Variants in CSMD1 observed in about 807,000 individuals in gnomAD.
CSMD1 encodes the protein CUB and sushi domain-containing protein 1.
In CSMD1, 213 loss-of-function variants were observed where a neutral mutation model predicts 417.5. The observed-to-expected ratio is 0.51, with a 90% CI of 0.46 to 0.57. CSMD1 has a LOEUF of 0.57. Among genes scored for constraint, CSMD1 ranks in the 20% least tolerant of loss-of-function variants. CSMD1 has a pLI of 0.00. For missense variants in CSMD1, 6,923 were observed against 4,529.7 expected, an observed-to-expected ratio of 1.53 and a Z score of -15.17; for synonymous variants, 2,862 against 1,736.8, an observed-to-expected ratio of 1.65 and a Z score of -16.11.
chr8:4,275,457 A>G (rs1190005045), intron 3 of CSMD1, among the ~76,000 whole-genome samples: 2 of 152,158 alleles, frequency 1.3e-5, no homozygotes, highest in Non-Finnish European at 2.9e-5. Flanking sequence ...TTTATTTAAA[A>G]TTTTACGTGT....
chr8:4,526,630 G>A (rs1796527261), intron 2 of CSMD1, among the ~76,000 whole-genome samples: 3 of 152,260 alleles, frequency 2.0e-5, no homozygotes, highest in East Asian at 1.9e-4. Flanking sequence ...TCACTCTTGG[G>A]AATTAACAAA....
intron 2 of CSMD1, among the ~76,000 whole-genome samples, chr8:4,630,831 C>A (rs1384529657): frequency 6.6e-6 from 1 of 152,094 alleles, no homozygotes; most frequent in African/African-American, 2.4e-5. Context: ...CAAGCTCTTC[C>A]ACTGCTACTT....
chr8:4,028,269 T>G (rs1296647880), intron 4 of CSMD1, among the ~76,000 whole-genome samples: 2 of 152,156 alleles, frequency 1.3e-5, no homozygotes, highest in Non-Finnish European at 2.9e-5. Flanking sequence ...ACAAATACCT[T>G]GAGCAAGTCA....
chr8:3,314,014 A>T (rs544062998), intron 23 of CSMD1, among the ~76,000 whole-genome samples: 8 of 152,218 alleles, frequency 5.3e-5, no homozygotes, highest in East Asian at 1.9e-4. Context: ...GCAAACTATC[A>T]CAAGGACAAA....
chr8:3,891,644 C>A (rs1806981087), intron 5 of CSMD1, among the ~76,000 whole-genome samples: 1 of 151,758 alleles, frequency 6.6e-6, no homozygotes, highest in South Asian at 2.1e-4. Flanking sequence ...GATCACACCA[C>A]TGCACTAGAG....
At chr8:3,753,453 C>G (rs915620023) in intron 6 of CSMD1, among the ~76,000 whole-genome samples, 9 of 152,136 alleles carry the variant, frequency 5.9e-5, no homozygotes, top group Non-Finnish European at 8.8e-5. Context: ...TGCAGGAAAT[C>G]CAGAATCTTT....
At chr8:4,401,999 A>G (rs1256718237) in intron 3 of CSMD1, among the ~76,000 whole-genome samples, 1 of 151,906 alleles carries the variant, frequency 6.6e-6, no homozygotes, top group Non-Finnish European at 1.5e-5. Flanking sequence ...TCCCTGCCAC[A>G]TTCCTGCTGC....
chr8:4,787,805 T>G lies in CSMD1; in HGVS notation c.86-150247A>C, dbSNP rs1049870822. The G allele has an allele frequency of 3.8e-6, 6 of 1,575,004 alleles. No homozygotes were observed. The African/African-American group carries it at 4.0e-5, about 11-fold the overall frequency. On this transcript the variant is annotated intron_variant, in intron 1 of 69. Transcript: ENST00000635120. The stretch of plus-strand genomic sequence containing the variant: ...ACAGGCCAGACTGAATTGGATATCA[T>G]GAGTCATGCTACACAGGCTATATTT...
intron 3 of CSMD1, among the ~76,000 whole-genome samples, chr8:4,295,169 A>G (rs1444156058): frequency 7.0e-6 from 1 of 143,746 alleles, no homozygotes; most frequent in Non-Finnish European, 1.5e-5. Context: ...TATAATCTTA[A>G]GATTATATAA....
At chr8:4,218,368 A>C (rs953203434) in intron 3 of CSMD1, among the ~76,000 whole-genome samples, 2 of 152,184 alleles carry the variant, frequency 1.3e-5, no homozygotes, top group African/African-American at 2.4e-5. Flanking sequence ...GGTCATTTCT[A>C]ATGATTTTCT....
At chr8:4,129,480 A>G (rs1245424638) in intron 3 of CSMD1, among the ~76,000 whole-genome samples, 1 of 152,166 alleles carries the variant, frequency 6.6e-6, no homozygotes, top group Admixed American at 6.5e-5. Flanking sequence ...GAAGTTTTGT[A>G]TTGTGAAAAA....
intron 2 of CSMD1, among the ~76,000 whole-genome samples, chr8:4,565,775 T>TATGTATAC (rs1798575552): frequency 2.4e-5 from 1 of 42,076 alleles, no homozygotes; most frequent in African/African-American, 5.7e-5. Flanking sequence ...TATATATATA[T>TATGTATAC]ATATATATAT....
rs2130865615 is a variant in CSMD1, at chr8:4,640,189, G to A, written c.86-2631C>T. Among the ~76,000 whole-genome samples the A allele has an allele frequency of 1.3e-5, 2 of 152,322 alleles. 1 individual carries two copies. The highest frequency in any genetic ancestry group is 4.1e-4 in the South Asian group (2 of 4,826). The stretch of plus-strand genomic sequence containing the variant: ...ACTAATGAGTACAGTGCATGTTGCT[G>A]AATGAGTCACATTTGATCCATTCAT... On this transcript the variant is annotated intron_variant, in intron 1 of 69. Transcript: ENST00000635120.
intron 3 of CSMD1, among the ~76,000 whole-genome samples, chr8:4,063,289 A>G (rs910983214): frequency 2.6e-5 from 4 of 152,130 alleles, no homozygotes; most frequent in Non-Finnish European, 4.4e-5. Flanking sequence ...AAAAACCAAA[A>G]AAGAAAAATT....
At chr8:4,831,067 G>T (rs949581193) in intron 1 of CSMD1, among the ~76,000 whole-genome samples, 1 of 152,126 alleles carries the variant, frequency 6.6e-6, no homozygotes. Context: ...CCAACCATGC[G>T]AACTCAAAGT....
intron 10 of CSMD1, among the ~76,000 whole-genome samples, chr8:3,520,020 C>CTA (rs33939239): frequency 0.092 from 12,641 of 137,392 alleles, 630 homozygotes; most frequent in Non-Finnish European, 0.11. Flanking sequence ...GTGTATATAC[C>CTA]TATATATATA....
chr8:4,490,673 C>CAGAAG (rs1262894267), intron 2 of CSMD1, among the ~76,000 whole-genome samples: 1 of 152,060 alleles, frequency 6.6e-6, no homozygotes, highest in Non-Finnish European at 1.5e-5. Context: ...TCTTAATATA[C>CAGAAG]AGAAGAGACA....
chr8:4,106,364 G>C (rs1023226089), intron 3 of CSMD1, among the ~76,000 whole-genome samples: 2 of 152,154 alleles, frequency 1.3e-5, no homozygotes, highest in African/African-American at 4.8e-5. Context: ...TCAAAATAAA[G>C]CATTCAATTA....
intron 50 of CSMD1, among the ~76,000 whole-genome samples, chr8:3,047,281 C>T (rs73488442): frequency 0.036 from 5,508 of 151,530 alleles, 334 homozygotes; most frequent in African/African-American, 0.13. Context: ...GCCAAGTTCT[C>T]GCCCCAGCCA....
Sources: gnomAD v4.1 joint callset for allele counts (sites outside exome capture counted in the v4.1 genomes callset) on GRCh38, gnomAD v4.1.1 for gene constraint, MANE v1.5 for transcripts, NCBI Gene and HGNC (gene_info 2026-07-23, HGNC 2026-07-21) for gene names.